GTF2IRD1: variants seen among roughly 807,000 people sequenced by gnomAD.
The protein encoded by GTF2IRD1 is general transcription factor II-I repeat domain-containing protein 1.
Under a neutral mutation model 113.2 loss-of-function variants are expected in GTF2IRD1, and 26 were observed. The ratio of observed to expected loss-of-function variants is 0.23; its 90% CI spans 0.17 to 0.32. The LOEUF is 0.32. Ranked by LOEUF, GTF2IRD1 falls within the 10% of genes least tolerant of loss-of-function variation. GTF2IRD1 has a pLI of 1.00. For synonymous variants in GTF2IRD1, 484 were observed against 529.1 expected, an observed-to-expected ratio of 0.91 and a Z score of 1.17; for missense variants, 864 against 1,280.8, an observed-to-expected ratio of 0.67 and a Z score of 4.97.
At chr7:74,560,144 AC>A (rs1799861557) in intron 22 of GTF2IRD1, among the ~76,000 whole-genome samples, 1 of 152,204 alleles carries the variant, frequency 6.6e-6, no homozygotes, top group Admixed American at 6.6e-5. Context: ...ATGGAGGAAG[AC>A]TAAGCTTGAA....
At chr7:74,459,007 C>A (rs963826236) in intron 1 of GTF2IRD1, among the ~76,000 whole-genome samples, 2 of 152,094 alleles carry the variant, frequency 1.3e-5, no homozygotes, top group Non-Finnish European at 2.9e-5. Flanking sequence ...TCTCTCCACT[C>A]GTCCTGTGGA....
chr7:74,551,842 A>G (rs587666790), intron 17 of GTF2IRD1, among the ~76,000 whole-genome samples: 1 of 151,960 alleles, frequency 6.6e-6, no homozygotes, highest in Non-Finnish European at 1.5e-5. Flanking sequence ...AGGCTGAGGC[A>G]GGAGAATCAC....
chr7:74,486,470 C>T (rs1795035667), intron 1 of GTF2IRD1, among the ~76,000 whole-genome samples: 1 of 152,170 alleles, frequency 6.6e-6, no homozygotes, highest in African/African-American at 2.4e-5. Context: ...GGATTGAGCC[C>T]CCCATTGCCT....
intron 1 of GTF2IRD1, among the ~76,000 whole-genome samples, chr7:74,472,618 G>C (rs375078148): frequency 2.0e-5 from 3 of 152,166 alleles, no homozygotes; most frequent in African/African-American, 7.2e-5. Flanking sequence ...CAGGCATGGC[G>C]GGGGGTGCCT....
chr7:74,478,146 AC>A (rs1441977018), intron 1 of GTF2IRD1, among the ~76,000 whole-genome samples: 2 of 152,132 alleles, frequency 1.3e-5, no homozygotes, highest in East Asian at 1.9e-4. Flanking sequence ...GGGTTCCCTG[AC>A]CCCTAGCTGG....
intron 9 of GTF2IRD1, among the ~76,000 whole-genome samples, chr7:74,534,610 C>T (rs1234111107): frequency 3.3e-5 from 5 of 151,940 alleles, no homozygotes; most frequent in African/African-American, 1.2e-4. Context: ...GCTGGGGGAG[C>T]GAGGCTGACA....
intron 26 of GTF2IRD1, 126 bp from the exon 27 acceptor site, chr7:74,602,239 C>G: frequency 3.4e-6 from 4 of 1,172,194 alleles, no homozygotes; most frequent in Non-Finnish European, 3.4e-6. Context: ...GAAACTCCAT[C>G]TCAAAAAAAT....
At chr7:74,457,876 T>G (rs1793091009) in intron 1 of GTF2IRD1, among the ~76,000 whole-genome samples, 1 of 147,280 alleles carries the variant, frequency 6.8e-6, no homozygotes, top group Non-Finnish European at 1.5e-5. Context: ...GTTACGTTTT[T>G]GTTTTTTTTT....
chr7:74,591,606 C>G (rs1304773502), intron 24 of GTF2IRD1, among the ~76,000 whole-genome samples: 1 of 152,094 alleles, frequency 6.6e-6, no homozygotes, highest in Non-Finnish European at 1.5e-5. Context: ...TCTCGAACTC[C>G]TGACCTGAAG....
chr7:74,576,335 C>A (rs1249012055), intron 22 of GTF2IRD1, among the ~76,000 whole-genome samples: 2 of 150,510 alleles, frequency 1.3e-5, no homozygotes, highest in Non-Finnish European at 3.0e-5. Flanking sequence ...CTGAGGCGGG[C>A]GAATCACTTG....
intron 1 of GTF2IRD1, among the ~76,000 whole-genome samples, chr7:74,472,945 T>G (rs73364410): frequency 0.15 from 23,129 of 151,386 alleles, 2,229 homozygotes; most frequent in African/African-American, 0.27. Flanking sequence ...CAGGGCAGAG[T>G]TGGGTAGGGA....
chr7:74,456,032 G>A (rs79538747), intron 1 of GTF2IRD1, among the ~76,000 whole-genome samples: 3,513 of 152,324 alleles, frequency 0.023, 135 homozygotes, highest in African/African-American at 0.08. Flanking sequence ...TTTATTTGCA[G>A]TATGCTAATC....
intron 1 of GTF2IRD1, among the ~76,000 whole-genome samples, chr7:74,474,502 G>C (rs545118759): frequency 1.3e-5 from 2 of 152,348 alleles, no homozygotes; most frequent in East Asian, 3.9e-4. Flanking sequence ...AGTGAGCCAT[G>C]CCTGGGGGGC....
At position 74,508,134 on chromosome 7, in the gene GTF2IRD1, C is replaced by A; in HGVS notation, c.54C>A (p.Asp18Glu). 6.2e-7 allele frequency: 1 copy of A among 1,611,964 alleles called. No individual in the cohort carries two copies. ...CDVPTNGCGP[D>E]RWNSAFTRKD... The stretch of plus-strand genomic sequence containing the variant: ...TCCCCACCAACGGCTGCGGACCCGA[C>A]CGCTGGAACTCCGCGTTCACCCGCA... The change falls in exon 2 of 27, where the codon GAC (aspartate) becomes GAA (glutamate). Residue 18 changes from aspartate (D) to glutamate (E), a missense_variant. This residue lies in a region of GTF2IRD1 where 182 missense variants were observed against 266.6 expected (regional missense o/e 0.68). Transcript: ENST00000424337.
chr7:74,529,793 C>T lies in GTF2IRD1; in HGVS notation c.1150C>T (p.Pro384Ser). ...GCCCTACCGGAAGATTGCCTGTGAC[C>T]CGGAGGCTGTGGAGATCGTGGGCAT... ...PVPYRKIACD[P>S]EAVEIVGIPD... Residue 384 changes from proline (P) to serine (S), a missense_variant, in exon 9 of 27, where the codon CCG (proline) becomes TCG (serine). Transcript: ENST00000424337. 1 of 1,614,018 alleles carries T rather than the reference C, an allele frequency of 6.2e-7. No homozygotes were observed. The highest frequency in any genetic ancestry group is 8.5e-7 in the Non-Finnish European group (1 of 1,179,942).
intron 23 of GTF2IRD1, 98 bp from the exon 24 acceptor site, chr7:74,590,727 T>A: frequency 2.7e-6 from 2 of 752,868 alleles, no homozygotes; most frequent in Non-Finnish European, 4.3e-6. Context: ...GTGTGATGGC[T>A]GCTGGGCTAG....
intron 6 of GTF2IRD1, among the ~76,000 whole-genome samples, chr7:74,520,778 A>AG (rs1200015987): frequency 2.7e-5 from 4 of 149,276 alleles, no homozygotes; most frequent in South Asian, 4.2e-4. Context: ...CCAAAAAAAA[A>AG]AAAAAAAAAA....
intron 14 of GTF2IRD1, among the ~76,000 whole-genome samples, chr7:74,542,910 A>C (rs1464354552): frequency 1.3e-5 from 2 of 152,268 alleles, no homozygotes; most frequent in Non-Finnish European, 2.9e-5. Context: ...ACACAGGCTC[A>C]GCAAGGCTCA....
chr7:74,538,573 T>C (rs1199942558), intron 12 of GTF2IRD1, 107 bp from the exon 13 acceptor site: 26 of 808,600 alleles, frequency 3.2e-5, no homozygotes, highest in Non-Finnish European at 5.4e-5. Flanking sequence ...TTGTCCTAGG[T>C]AGGGCCTCAC....
Sources: allele counts gnomAD v4.1 joint callset (sites outside exome capture counted in the v4.1 genomes callset), GRCh38; gene constraint gnomAD v4.1.1; regional missense constraint gnomAD v4.1.1; transcripts MANE v1.5; gene names NCBI Gene and HGNC (gene_info 2026-07-23, HGNC 2026-07-21).